PCDHA4: variants seen among roughly 807,000 people sequenced by gnomAD.
PCDHA4 encodes protocadherin alpha-4.
Under a neutral mutation model 61.4 loss-of-function variants are expected in PCDHA4, and 49 were observed. The observed-to-expected ratio is 0.80, with a 90% CI of 0.63 to 1.01. The LOEUF is 1.01. Among genes scored for constraint, PCDHA4 ranks in the 50% least tolerant of loss-of-function variants. The probability of loss-of-function intolerance (pLI) is 0.00; values close to 1 mark genes in which losing one functional copy is unlikely to be tolerated. For synonymous variants in PCDHA4, 590 were observed against 550.3 expected (o/e 1.07, Z -1.01); for missense variants, 1,254 against 1,235.8 (o/e 1.01, Z -0.22).
At chr5:141,006,662 G>A (rs1198129323) in intron 3 of PCDHA4, among the ~76,000 whole-genome samples, 1 of 152,192 alleles carries the variant, frequency 6.6e-6, no homozygotes, top group Admixed American at 6.5e-5. Context: ...TCCTGAAAGA[G>A]TGGTGGCAGT....
At chr5:140,836,003 G>C (rs1456412206) in intron 1 of PCDHA4, 7 of 1,613,210 alleles carry the variant, frequency 4.3e-6, no homozygotes, top group East Asian at 2.2e-5. Flanking sequence ...CGCGCGATGC[G>C]GGCGTGCCGC....
chr5:140,899,384 A>G (rs2067296665), intron 1 of PCDHA4, among the ~76,000 whole-genome samples: 2 of 152,124 alleles, frequency 1.3e-5, no homozygotes, highest in Admixed American at 1.3e-4. Context: ...TAATTTATTG[A>G]GAGTTTTTAG....
chr5:140,829,861 G>A (rs200510937), intron 1 of PCDHA4: 1 of 1,613,956 alleles, frequency 6.2e-7, no homozygotes, highest in East Asian at 2.2e-5. Flanking sequence ...CAGGCCAAGT[G>A]GTGGCGAAGG....
intron 1 of PCDHA4, chr5:140,883,600 G>A (rs2059695358): frequency 6.2e-7 from 1 of 1,613,890 alleles, no homozygotes; most frequent in Non-Finnish European, 8.5e-7. Flanking sequence ...TGTCGGTGGG[G>A]GTGGCCGACG....
At chr5:140,941,202 C>CCTTCCTTTCTTT (rs1554213920) in intron 1 of PCDHA4, among the ~76,000 whole-genome samples, 197 of 122,808 alleles carry the variant, frequency 1.6e-3, no homozygotes, top group Admixed American at 2.9e-3. Flanking sequence ...TTTCTTTCTT[C>CCTTCCTTTCTTT]CTTTCTTTCT....
At chr5:140,844,452 G>A (rs1403381555) in intron 1 of PCDHA4, among the ~76,000 whole-genome samples, 2 of 148,572 alleles carry the variant, frequency 1.3e-5, no homozygotes, top group South Asian at 2.1e-4. Context: ...TTGTATTGTC[G>A]CCAACTTAAC....
chr5:140,862,944 T>C (rs1554157274), intron 1 of PCDHA4: 3 of 542,156 alleles, frequency 5.5e-6, no homozygotes, highest in Admixed American at 3.9e-5. Flanking sequence ...GTGAGTGAGC[T>C]GGTGCGGTAT....
rs1259591783 is a variant in PCDHA4, at chr5:141,009,842, G to C, written c.2749G>C (p.Glu917Gln). 1.2e-6 allele frequency: 2 copies of C among 1,613,960 alleles called. No individual in the cohort carries two copies. The highest frequency in any genetic ancestry group is 1.7e-6 in the Non-Finnish European group (2 of 1,180,014). ...TGACTTCATAACCTTCGGCAAAAAG[G>C]AGGAGACCAAGAAAAAGAAGAAAAA... ...KSDFITFGKKEETKKKKKKKK... is the reference protein window; with the variant it reads ...KSDFITFGKKQETKKKKKKKK... The change falls in exon 4 of 4, where the codon GAG becomes CAG. Residue 917 changes from glutamate (E) to glutamine (Q), a missense_variant. Coordinates refer to ENST00000530339, the MANE Select transcript of PCDHA4 (RefSeq NM_018907.4).
At position 141,010,207 on chromosome 5, in the gene PCDHA4, A is replaced by C; in HGVS notation, c.*270A>C. The C allele has an allele frequency of 6.4e-7, 1 of 1,551,870 alleles. No homozygotes were observed. ...CCAAGTTTCCTTTCTCCTCCGCCGC[A>C]AAGGAGAGGCTTCCCAGCCCCGCCA... On this transcript the variant is annotated 3_prime_UTR_variant, in exon 4 of 4. Transcript: ENST00000530339.
intron 1 of PCDHA4, among the ~76,000 whole-genome samples, chr5:140,878,324 A>C (rs1298317950): frequency 4.6e-5 from 7 of 152,210 alleles, no homozygotes; most frequent in Admixed American, 1.3e-4. Context: ...TTTTCACATT[A>C]TATTCCAGGT....
intron 1 of PCDHA4, chr5:140,821,613 A>AT: frequency 1.2e-6 from 1 of 802,296 alleles, no homozygotes; most frequent in Non-Finnish European, 1.9e-6. Context: ...TACAGTGAGT[A>AT]GATTTTCCTT....
chr5:140,867,479 A>G (rs1308433664), intron 1 of PCDHA4: 1 of 152,158 alleles, frequency 6.6e-6, no homozygotes, highest in Non-Finnish European at 1.5e-5. Context: ...TTGGGAAAAG[A>G]GTAAATATGA....
At position 140,836,427 on chromosome 5, in the gene PCDHA4, G is replaced by T. The variant is rs2150260736; in HGVS notation, c.2385+26855G>T. ...CCAGGCACCAAAGGCGTCGTCGCGG[G>T]CATCGTTGGGCATTGCAGGCCCAGA... On this transcript the variant is annotated intron_variant, in intron 1 of 3. Coordinates refer to ENST00000530339, the MANE Select transcript of PCDHA4 (RefSeq NM_018907.4). 2.5e-6 allele frequency: 4 copies of T among 1,613,858 alleles called. No individual in the cohort carries two copies. In the South Asian group the frequency reaches 3.3e-5, roughly 13 times the overall value.
chr5:140,954,843 G>T (rs1011520662), intron 1 of PCDHA4, among the ~76,000 whole-genome samples: 4 of 152,058 alleles, frequency 2.6e-5, no homozygotes, highest in African/African-American at 9.7e-5. Flanking sequence ...TGAAATCTTT[G>T]CCTGTGCCTA....
At chr5:140,889,213 G>A (rs1463412254) in intron 1 of PCDHA4, among the ~76,000 whole-genome samples, 1 of 151,602 alleles carries the variant, frequency 6.6e-6, no homozygotes, top group African/African-American at 2.4e-5. Context: ...TAACAAAGAA[G>A]AATAGTCTTT....
chr5:141,008,359 G>A (rs1369587129), intron 3 of PCDHA4, among the ~76,000 whole-genome samples: 1 of 152,150 alleles, frequency 6.6e-6, no homozygotes, highest in Non-Finnish European at 1.5e-5. Flanking sequence ...GTCAACCAAA[G>A]GAGCAGTGTT....
chr5:140,895,687 T>G (rs1417809630), intron 1 of PCDHA4, among the ~76,000 whole-genome samples: 2 of 152,184 alleles, frequency 1.3e-5, no homozygotes, highest in African/African-American at 4.8e-5. Flanking sequence ...GTTTTCTGTT[T>G]CTATATTAAT....
At chr5:140,819,812 G>T (rs1000166863) in intron 1 of PCDHA4, among the ~76,000 whole-genome samples, 2 of 152,040 alleles carry the variant, frequency 1.3e-5, no homozygotes, top group Admixed American at 1.3e-4. Flanking sequence ...ACTGAGAGGA[G>T]CATGTGAACT....
At chr5:140,870,073 A>T in intron 1 of PCDHA4, 1 of 1,613,872 alleles carries the variant, frequency 6.2e-7, no homozygotes, top group Non-Finnish European at 8.5e-7. Context: ...GGCTACAGAT[A>T]AGGGGACTCC....
Sources: allele counts gnomAD v4.1 joint callset (sites outside exome capture counted in the v4.1 genomes callset), GRCh38; gene constraint gnomAD v4.1.1; transcripts MANE v1.5; gene names NCBI Gene and HGNC (gene_info 2026-07-23, HGNC 2026-07-21).